The following ABRAXAS2 variants were observed in gnomAD, a reference collection of about 807,000 sequenced individuals.
ABRAXAS2 encodes BRISC complex subunit Abraxas 2.
Under a neutral mutation model 49.0 loss-of-function variants are expected in ABRAXAS2, and 23 were observed. The observed-to-expected ratio is 0.47, with a 90% CI of 0.34 to 0.66. The LOEUF is 0.66. Ranked by LOEUF, ABRAXAS2 falls within the 30% of genes least tolerant of loss-of-function variation. ABRAXAS2 has a pLI of 0.01. For missense variants in ABRAXAS2, 443 were observed against 511.9 expected (o/e 0.87, Z 1.30); for synonymous variants, 168 against 180.2 (o/e 0.93, Z 0.54).
Position 124,801,881 on chromosome 10 carries a change from G to A in ABRAXAS2, c.52G>A (p.Ala18Thr), listed in dbSNP as rs1417702788. 1 of 1,613,056 alleles carries A rather than the reference G, an allele frequency of 6.2e-7. No individual in the cohort carries two copies. Among genetic ancestry groups the A allele is most frequent in the Non-Finnish European group, 8.5e-7 (1 of 1,179,696 alleles). ...YTFSAVCFHS[A>T]NSNADHEGFL... ...CTTCAGTGCTGTGTGTTTCCACAGC[G>A]CCAACAGCAACGCGGACCACGTAGG... Residue 18 changes from alanine to threonine, a missense_variant, in exon 1 of 9, where the codon GCC becomes ACC. Ala to Thr is a moderately conservative substitution (Grantham distance 58). Transcript: ENST00000298492.
intron 2 of ABRAXAS2, among the ~76,000 whole-genome samples, chr10:124,813,815 G>T (rs1950806473): frequency 6.6e-6 from 1 of 152,100 alleles, no homozygotes. Flanking sequence ...TGGTAACAGT[G>T]CACATTCAGA....
intron 4 of ABRAXAS2, among the ~76,000 whole-genome samples, chr10:124,825,962 G>A (rs1482704606): frequency 6.6e-6 from 1 of 152,156 alleles, no homozygotes; most frequent in Non-Finnish European, 1.5e-5. Flanking sequence ...CTGTCTTCCT[G>A]ATGACCAACA....
At chr10:124,808,250 A>G (rs563058081) in intron 2 of ABRAXAS2, among the ~76,000 whole-genome samples, 1 of 150,584 alleles carries the variant, frequency 6.6e-6, no homozygotes, top group East Asian at 2.0e-4. Flanking sequence ...ATCTCGGCTC[A>G]CTGCAAGCTC....
At chr10:124,810,023 G>A (rs1236280695) in intron 2 of ABRAXAS2, among the ~76,000 whole-genome samples, 10 of 152,296 alleles carry the variant, frequency 6.6e-5, no homozygotes, top group South Asian at 2.1e-4. Context: ...AAAGTGCTGC[G>A]ATTGCAGGCA....
At chr10:124,822,351 A>C (rs1291705019) in intron 4 of ABRAXAS2, among the ~76,000 whole-genome samples, 1 of 152,272 alleles carries the variant, frequency 6.6e-6, no homozygotes, top group African/African-American at 2.4e-5. Flanking sequence ...TCAAATACAC[A>C]GGAAACGATC....
chr10:124,805,645 A>G (rs1950737525), intron 1 of ABRAXAS2, among the ~76,000 whole-genome samples: 1 of 152,166 alleles, frequency 6.6e-6, no homozygotes, highest in Non-Finnish European at 1.5e-5. Flanking sequence ...AATATGTAAT[A>G]TGATGGATAG....
chr10:124,834,447 G>A, intron 8 of ABRAXAS2, 55 bp from the exon 9 acceptor site: 7 of 1,484,242 alleles, frequency 4.7e-6, no homozygotes, highest in South Asian at 1.3e-5. Flanking sequence ...TATACATTGA[G>A]ATGAAAAGCT....
chr10:124,809,746 A>G (rs908281787), intron 2 of ABRAXAS2, among the ~76,000 whole-genome samples: 1 of 149,938 alleles, frequency 6.7e-6, no homozygotes, highest in African/African-American at 2.5e-5. Flanking sequence ...TTCAAACATT[A>G]TGAGATTTTT....
rs996981470 is a variant in ABRAXAS2 at position 124,828,872 on chromosome 10, A to G, written c.575A>G (p.His192Arg). The change falls in exon 6 of 9, where the codon CAT becomes CGT. Residue 192 changes from histidine to arginine, a missense_variant. His to Arg is a conservative substitution (Grantham distance 29). This residue lies in a region of ABRAXAS2 where 166 missense variants were observed against 247.3 expected (regional missense o/e 0.67). Coordinates refer to ENST00000298492, the MANE Select transcript of ABRAXAS2 (RefSeq NM_032182.4). ...AGTTATGCCAAAGTGATTAAAGAAC[A>G]TGGGTAAGTTGAAAGGTAAAGTGCT... ...SQSYAKVIKE[H>R]GTDFFDKDGV... 4 of 1,613,480 alleles carry G rather than the reference A, an allele frequency of 2.5e-6. No homozygotes were observed. Among genetic ancestry groups the G allele is most frequent in the Non-Finnish European group, 3.4e-6 (4 of 1,179,680 alleles).
chr10:124,828,569 T>C (rs1950911303), intron 5 of ABRAXAS2, among the ~76,000 whole-genome samples, 187 bp from the exon 6 acceptor site: 1 of 152,040 alleles, frequency 6.6e-6, no homozygotes, highest in Admixed American at 6.6e-5. Context: ...GGTTTCACCA[T>C]GTTGGCCAGG....
At chr10:124,825,501 A>C (rs2134169585) in intron 4 of ABRAXAS2, among the ~76,000 whole-genome samples, 1 of 152,276 alleles carries the variant, frequency 6.6e-6, no homozygotes, top group Non-Finnish European at 1.5e-5. Context: ...ATATGATATG[A>C]ACTCAATGGA....
intron 2 of ABRAXAS2, among the ~76,000 whole-genome samples, chr10:124,808,178 C>CTTTTT (rs553175695): frequency 6.9e-6 from 1 of 144,848 alleles, no homozygotes; most frequent in Non-Finnish European, 1.5e-5. Context: ...ATGCGGCAAA[C>CTTTTT]TTTTTTTTTT....
intron 1 of ABRAXAS2, among the ~76,000 whole-genome samples, chr10:124,804,701 ATTTCTTTTTTTC>A (rs1950728539): frequency 7.3e-6 from 1 of 136,338 alleles, no homozygotes; most frequent in Non-Finnish European, 1.6e-5. Context: ...GAATATATAT[ATTTCTTTTTTTC>A]TTTCTTTTTT....
In ABRAXAS2 at chr10:124,809,430, G is replaced by T. The variant is rs1307098510; in HGVS notation, c.163+2509G>T. Among the ~76,000 whole-genome samples the T allele has an allele frequency of 2.0e-5, 3 of 150,442 alleles. No homozygotes were observed. The South Asian group carries it at 6.4e-4, about 32-fold the overall frequency. ...CTCCCGAGTAGCTGGGATTACAGGT[G>T]CATGCCACCATGCCCGGCTAATTTT... On this transcript the variant is annotated intron_variant, in intron 2 of 8. Transcript: ENST00000298492.
intron 2 of ABRAXAS2, 72 bp downstream of exon 2, chr10:124,806,993 G>A: frequency 8.4e-7 from 1 of 1,195,278 alleles, no homozygotes; most frequent in Non-Finnish European, 1.2e-6. Flanking sequence ...TTGTTGTTTT[G>A]CCCTTAACTG....
chr10:124,808,261 C>T (rs936892244), intron 2 of ABRAXAS2, among the ~76,000 whole-genome samples: 15 of 151,982 alleles, frequency 9.9e-5, no homozygotes, highest in Non-Finnish European at 1.9e-4. Flanking sequence ...CTGCAAGCTC[C>T]GCCTCCCGGG....
rs773670652 is a variant in ABRAXAS2 at position 124,831,395 on chromosome 10, G to A, written c.710G>A (p.Cys237Tyr). ...VEKSERVVES[C>Y]QAEVNKLRRQ... is the part of the protein sequence containing the mutation. ...AAGAGTGAGCGAGTTGTTGAATCTT[G>A]TCAGGCAGAAGTGAACAAATTAAGA... Residue 237 changes from cysteine (C) to tyrosine (Y), a missense_variant, in exon 8 of 9, where the codon TGT (cysteine) becomes TAT (tyrosine). Physicochemically the swap from Cys to Tyr is radical, Grantham distance 194 (BLOSUM62 -2). Transcript: ENST00000298492. 4.3e-6 allele frequency: 7 copies of A among 1,613,276 alleles called. No homozygotes were observed. Among genetic ancestry groups the A allele is most frequent in the Admixed American group, 3.3e-5 (2 of 59,858 alleles).
At chr10:124,826,091 T>TG (rs1156319564) in intron 4 of ABRAXAS2, among the ~76,000 whole-genome samples, 2 of 152,230 alleles carry the variant, frequency 1.3e-5, no homozygotes, top group Non-Finnish European at 2.9e-5. Flanking sequence ...GAGGTAAAAT[T>TG]GACATATAAC....
chr10:124,819,204 A>G (rs75947010), intron 3 of ABRAXAS2, among the ~76,000 whole-genome samples, 180 bp from the exon 4 acceptor site: 8,634 of 152,274 alleles, frequency 0.057, 794 homozygotes, highest in African/African-American at 0.19. Context: ...GTATTCGTCA[A>G]TGCAAAAGGG....
Sources: gnomAD v4.1 joint callset for allele counts (sites outside exome capture counted in the v4.1 genomes callset) on GRCh38, gnomAD v4.1.1 for gene constraint, gnomAD v4.1.1 regional missense constraint, MANE v1.5 for transcripts, NCBI Gene and HGNC (gene_info 2026-07-23, HGNC 2026-07-21) for gene names.